FAM167A: variants seen among roughly 807,000 people sequenced by gnomAD.
FAM167A encodes protein FAM167A.
FAM167A carries 23 observed loss-of-function variants against 14.9 expected under a neutral mutation model. The observed-to-expected ratio is 1.55, with a 90% CI of 1.11 to 2.19. The LOEUF is 2.19. Among genes scored for constraint, FAM167A ranks in the 30% most tolerant of loss-of-function variants. The pLI is 0.00. For synonymous variants in FAM167A, 174 were observed against 117.7 expected, an observed-to-expected ratio of 1.48 and a Z score of -3.10; for missense variants, 401 against 281.5, an observed-to-expected ratio of 1.42 and a Z score of -3.04.
intron 2 of FAM167A, among the ~76,000 whole-genome samples, chr8:11,431,920 G>GAAA: frequency 1.2e-5 from 1 of 85,394 alleles, no homozygotes; most frequent in Non-Finnish European, 2.5e-5. Flanking sequence ...AAAAAAAAAA[G>GAAA]GATTTTGTTC....
chr8:11,427,525 G>T (rs1021702603), intron 2 of FAM167A, among the ~76,000 whole-genome samples: 1 of 152,202 alleles, frequency 6.6e-6, no homozygotes, highest in Non-Finnish European at 1.5e-5. Context: ...TTAGAAAAAT[G>T]AGCCCTGAGA....
At position 11,424,497 on chromosome 8, in the gene FAM167A, C is replaced by T. The variant is rs369090343; in HGVS notation, c.521G>A (p.Arg174Gln). The change falls in exon 3 of 3, where the codon CGG (arginine) becomes CAG (glutamine). Residue 174 changes from arginine (R) to glutamine (Q), a missense_variant. By Grantham distance (43) the Arg-to-Gln change is conservative. Transcript: ENST00000284486. ...LNDATYELEE[R>Q]DELADLFCDS... The stretch of plus-strand genomic sequence containing the variant: ...ACAGAAGAGGTCGGCCAGCTCATCC[C>T]GCTCCTCCAGCTCGTAGGTGGCATC... 55 of 1,613,978 alleles carry T rather than the reference C, an allele frequency of 3.4e-5. No individual in the cohort carries two copies. The highest frequency in any genetic ancestry group is 1.0e-4 in the Admixed American group (6 of 60,006).
chr8:11,424,545 C>T lies in FAM167A; in HGVS notation c.473G>A (p.Arg158His), dbSNP rs140423769. The change falls in exon 3 of 3, where the codon CGC (arginine) becomes CAC (histidine). Residue 158 changes from arginine (R) to histidine (H), a missense_variant. Physicochemically the swap from Arg to His is conservative, Grantham distance 29. Coordinates refer to ENST00000284486, the MANE Select transcript of FAM167A (RefSeq NM_053279.3). ...ATCGTTGAGCATCCTCCTGTGGAGG[C>T]GGCAGGTGTGTTCGATTTTCAGCTT... ...INKLKIEHTCRLHRRMLNDAT... is the reference protein window; with the variant it reads ...INKLKIEHTCHLHRRMLNDAT... 1.6e-5 allele frequency: 26 copies of T among 1,614,060 alleles called. 1 individual carries two copies. The highest frequency in any genetic ancestry group is 1.6e-4 in the Middle Eastern group (1 of 6,084).
chr8:11,444,862 G>A (rs926735369), intron 1 of FAM167A, 54 bp from the exon 2 acceptor site: 2 of 988,860 alleles, frequency 2.0e-6, no homozygotes, highest in Non-Finnish European at 1.2e-6. Flanking sequence ...GCCACTCAGA[G>A]GCGGGCACGT....
intron 1 of FAM167A, among the ~76,000 whole-genome samples, chr8:11,475,832 T>A (rs890274918): frequency 1.3e-5 from 2 of 152,142 alleles, no homozygotes; most frequent in East Asian, 3.9e-4. Flanking sequence ...TGTGTTTCCC[T>A]ATCACCTGGG....
intron 1 of FAM167A, among the ~76,000 whole-genome samples, chr8:11,448,158 C>T (rs1806867336): frequency 6.7e-6 from 1 of 150,186 alleles, no homozygotes; most frequent in South Asian, 2.1e-4. Flanking sequence ...CGCACTACTG[C>T]ATTCCAGCCT....
intron 2 of FAM167A, among the ~76,000 whole-genome samples, chr8:11,435,597 T>G (rs1805950078): frequency 6.6e-6 from 1 of 152,160 alleles, no homozygotes; most frequent in Non-Finnish European, 1.5e-5. Flanking sequence ...CTACCCGGGC[T>G]GACCGCCACC....
intron 1 of FAM167A, chr8:11,445,480 C>T (rs1185121542): frequency 3.0e-6 from 3 of 985,680 alleles, no homozygotes; most frequent in African/African-American, 1.7e-5. Flanking sequence ...AAGGCGGTGG[C>T]ACCTGGGCTG....
intron 1 of FAM167A, chr8:11,445,042 G>T: frequency 1.2e-6 from 1 of 840,920 alleles, no homozygotes; most frequent in Non-Finnish European, 1.4e-6. Flanking sequence ...AAACGACTCC[G>T]CCTCTACTAT....
chr8:11,462,886 C>A (rs997921957), intron 1 of FAM167A, among the ~76,000 whole-genome samples: 3 of 152,144 alleles, frequency 2.0e-5, no homozygotes, highest in Non-Finnish European at 2.9e-5. Context: ...ATTAGAAATG[C>A]GTTCTCATTG....
At chr8:11,460,096 G>A (rs576290369) in intron 1 of FAM167A, among the ~76,000 whole-genome samples, 1 of 152,366 alleles carries the variant, frequency 6.6e-6, no homozygotes, top group African/African-American at 2.4e-5. Context: ...CCCAGGGACA[G>A]CTGTGATGCT....
At chr8:11,427,311 G>A (rs1805240571) in intron 2 of FAM167A, among the ~76,000 whole-genome samples, 1 of 152,184 alleles carries the variant, frequency 6.6e-6, no homozygotes, top group South Asian at 2.1e-4. Flanking sequence ...TCTCAGTTGT[G>A]ACATGGTACA....
intron 1 of FAM167A, among the ~76,000 whole-genome samples, chr8:11,457,209 T>C (rs576817340): frequency 6.6e-6 from 1 of 151,862 alleles, no homozygotes; most frequent in African/African-American, 2.4e-5. Flanking sequence ...CCCTGTGGTC[T>C]ACCCTGCCGG....
chr8:11,450,327 C>A (rs1029585693), intron 1 of FAM167A, among the ~76,000 whole-genome samples: 4 of 152,216 alleles, frequency 2.6e-5, no homozygotes, highest in African/African-American at 9.6e-5. Context: ...TTACAGCACA[C>A]CACACGAGCT....
At chr8:11,474,945 A>G (rs1341527333) in intron 1 of FAM167A, among the ~76,000 whole-genome samples, 1 of 152,048 alleles carries the variant, frequency 6.6e-6, no homozygotes, top group Non-Finnish European at 1.5e-5. Context: ...GGCAAAAGGA[A>G]GGGAAGAGAG....
intron 1 of FAM167A, among the ~76,000 whole-genome samples, chr8:11,448,866 G>C (rs1209716765): frequency 1.3e-5 from 2 of 152,210 alleles, no homozygotes; most frequent in African/African-American, 4.8e-5. Flanking sequence ...CCCAGGCTCA[G>C]TCCTTTCCTC....
At chr8:11,438,057 A>T (rs1806157181) in intron 2 of FAM167A, 4 of 416,158 alleles carry the variant, frequency 9.6e-6, no homozygotes, top group South Asian at 6.8e-5. Flanking sequence ...TCACAAAGAC[A>T]GGAGCCCTGA....
chr8:11,432,827 T>C (rs1192282348), intron 2 of FAM167A, among the ~76,000 whole-genome samples: 1 of 152,124 alleles, frequency 6.6e-6, no homozygotes, highest in Non-Finnish European at 1.5e-5. Flanking sequence ...TGTCAATCAA[T>C]GATAGACTGG....
chr8:11,465,603 G>T (rs773587972), intron 1 of FAM167A, among the ~76,000 whole-genome samples: 1 of 152,202 alleles, frequency 6.6e-6, no homozygotes, highest in Non-Finnish European at 1.5e-5. Context: ...TTCCTATCCT[G>T]CCAACGCCCT....
Sources: allele counts gnomAD v4.1 joint callset (sites outside exome capture counted in the v4.1 genomes callset), GRCh38; gene constraint gnomAD v4.1.1; transcripts MANE v1.5; gene names NCBI Gene and HGNC (gene_info 2026-07-23, HGNC 2026-07-21).